Variants in SGSM1 observed in about 807,000 individuals in gnomAD.
SGSM1 encodes small G protein signaling modulator 1, also known as RUN and TBC1 domain containing 2.
SGSM1 carries 73 observed loss-of-function variants against 133.8 expected under a neutral mutation model. That is an observed-to-expected ratio of 0.55 (90% CI 0.45 to 0.66). SGSM1 has a LOEUF of 0.66. Among genes scored for constraint, SGSM1 ranks in the 30% least tolerant of loss-of-function variants. The pLI, the probability that SGSM1 is intolerant of heterozygous loss-of-function variation, is 0.00. For missense variants in SGSM1, 1,213 were observed against 1,448.1 expected, an observed-to-expected ratio of 0.84 and a Z score of 2.64; for synonymous variants, 563 against 573.0, an observed-to-expected ratio of 0.98 and a Z score of 0.25.
At chr22:24,895,887 A>C (rs932632021) in intron 18 of SGSM1, among the ~76,000 whole-genome samples, 1 of 152,232 alleles carries the variant, frequency 6.6e-6, no homozygotes, top group South Asian at 2.1e-4. Flanking sequence ...CTCTACAAAA[A>C]ATACGAAAAA....
At chr22:24,907,911 CAAAAA>C (rs796505229) in intron 21 of SGSM1, among the ~76,000 whole-genome samples, 3 of 57,074 alleles carry the variant, frequency 5.3e-5, no homozygotes, top group Non-Finnish European at 1.0e-4. Context: ...GACGCCATCT[CAAAAA>C]AAAAAAAAAA....
chr22:24,909,699 A>C (rs2123730270), intron 21 of SGSM1, among the ~76,000 whole-genome samples: 1 of 152,024 alleles, frequency 6.6e-6, no homozygotes, highest in Admixed American at 6.6e-5. Flanking sequence ...CAGGTGATCC[A>C]CCCACCTTGG....
chr22:24,866,618 C>G (rs1931473605), intron 9 of SGSM1, among the ~76,000 whole-genome samples: 1 of 152,232 alleles, frequency 6.6e-6, no homozygotes, highest in African/African-American at 2.4e-5. Flanking sequence ...TCTTTTGACA[C>G]CATTCTCAGG....
intron 5 of SGSM1, among the ~76,000 whole-genome samples, chr22:24,850,962 G>A (rs145837496): frequency 0.01 from 1,526 of 152,160 alleles, 17 homozygotes; most frequent in Non-Finnish European, 0.017. Context: ...TTAGCCGGGC[G>A]TGGTGGCAGG....
chr22:24,810,805 G>T (rs60253061), intron 2 of SGSM1, among the ~76,000 whole-genome samples: 13 of 152,104 alleles, frequency 8.5e-5, no homozygotes, highest in African/African-American at 3.1e-4. Flanking sequence ...AACAGAGCCT[G>T]TTTGGAGAAC....
intron 8 of SGSM1, chr22:24,855,921 C>T: frequency 1.5e-6 from 1 of 678,956 alleles, no homozygotes; most frequent in Non-Finnish European, 2.7e-6. Flanking sequence ...AACCATCCAT[C>T]CATCCACCCA....
intron 3 of SGSM1, among the ~76,000 whole-genome samples, chr22:24,845,785 T>C (rs956504282): frequency 4.0e-5 from 6 of 151,868 alleles, no homozygotes; most frequent in African/African-American, 7.3e-5. Flanking sequence ...AGGACCTCAG[T>C]TCACCCTCTC....
chr22:24,819,518 G>A (rs1928343590), intron 2 of SGSM1, among the ~76,000 whole-genome samples: 1 of 152,210 alleles, frequency 6.6e-6, no homozygotes, highest in African/African-American at 2.4e-5. Context: ...ACTGAGGCCC[G>A]AGGTCACCCA....
intron 2 of SGSM1, among the ~76,000 whole-genome samples, chr22:24,819,277 C>T (rs893095331): frequency 4.6e-5 from 7 of 152,060 alleles, no homozygotes; most frequent in Admixed American, 2.0e-4. Context: ...GCATTTCAAT[C>T]AAGTTAAATT....
Position 24,921,606 on chromosome 22 carries a change from C to T in SGSM1, c.3193+1613C>T, listed in dbSNP as rs180796831. On this transcript the variant is annotated intron_variant, in intron 24 of 24. Transcript: ENST00000400358. ...GTAAAATTATAACAGCACCCCAGGC[C>T]AAAAGTTTCATTTAGTAAGTAGTTA... Among the ~76,000 whole-genome samples the T allele has an allele frequency of 1.1e-3, 163 of 152,118 alleles. 1 individual carries two copies. The highest frequency in any genetic ancestry group is 3.6e-3 in the African/African-American group (151 of 41,512).
intron 2 of SGSM1, among the ~76,000 whole-genome samples, chr22:24,820,012 G>C (rs934313225): frequency 1.3e-5 from 2 of 152,050 alleles, no homozygotes; most frequent in African/African-American, 4.8e-5. Context: ...GTGGAGATGG[G>C]GGTGCTGCCA....
intron 21 of SGSM1, among the ~76,000 whole-genome samples, chr22:24,911,638 C>T (rs926751364): frequency 6.6e-6 from 1 of 152,120 alleles, no homozygotes; most frequent in Non-Finnish European, 1.5e-5. Context: ...TAAACTGGCC[C>T]ATTACCTCTG....
chr22:24,820,529 T>C (rs1928408025), intron 2 of SGSM1, among the ~76,000 whole-genome samples: 1 of 152,188 alleles, frequency 6.6e-6, no homozygotes, highest in Admixed American at 6.5e-5. Flanking sequence ...AGAATTTTTC[T>C]AATACTCTAA....
intron 14 of SGSM1, among the ~76,000 whole-genome samples, chr22:24,882,528 G>C (rs1176216544): frequency 6.6e-6 from 1 of 152,046 alleles, no homozygotes; most frequent in East Asian, 1.9e-4. Context: ...GAACGTTACG[G>C]TTCTTCTATA....
chr22:24,867,118 A>G lies in SGSM1; in HGVS notation c.952A>G (p.Ile318Val). The G allele has an allele frequency of 1.2e-6, 2 of 1,613,842 alleles. No homozygotes were observed. The highest frequency in any genetic ancestry group is 8.5e-7 in the Non-Finnish European group (1 of 1,179,882). The change falls in exon 10 of 25, where the codon ATC becomes GTC. Residue 318 changes from isoleucine to valine, a missense_variant. By Grantham distance (29) the Ile-to-Val change is conservative. Coordinates refer to ENST00000400358, the MANE Select transcript of SGSM1 (RefSeq NM_001098497.3). ...KSVYWDYAMT[I>V]RLEEIVYLHC... is the part of the protein sequence containing the mutation. Reference sequence around the variant, plus strand: ...CGTCTACTGGGACTATGCCATGACCATCCGCTTGGAGGAGATTGTCTACCT... The same window carrying G: ...CGTCTACTGGGACTATGCCATGACCGTCCGCTTGGAGGAGATTGTCTACCT...
chr22:24,848,992 G>C (rs1930303523), intron 4 of SGSM1, among the ~76,000 whole-genome samples: 1 of 152,214 alleles, frequency 6.6e-6, no homozygotes, highest in South Asian at 2.1e-4. Flanking sequence ...AAGTTCCCAG[G>C]TGTTTGCAGA....
intron 2 of SGSM1, among the ~76,000 whole-genome samples, chr22:24,810,405 G>A (rs1404260184): frequency 6.7e-6 from 1 of 150,218 alleles, no homozygotes; most frequent in Non-Finnish European, 1.5e-5. Flanking sequence ...TGGCCTCAGC[G>A]TGATTTCCTC....
intron 2 of SGSM1, among the ~76,000 whole-genome samples, chr22:24,809,774 G>C (rs944938427): frequency 6.6e-6 from 1 of 152,168 alleles, no homozygotes; most frequent in East Asian, 1.9e-4. Context: ...ACTCCCAACA[G>C]TTACCTTATC....
chr22:24,927,220 GT>G lies in SGSM1; in HGVS notation c.*2948del, dbSNP rs1934233978. The G allele has an allele frequency of 2.0e-5, 3 of 152,344 alleles. No individual in the cohort carries two copies. Among genetic ancestry groups the G allele is most frequent in the African/African-American group, 7.2e-5 (3 of 41,568 alleles). 9.4% of individuals were successfully genotyped at this position (152,344 alleles called of 1,614,324 possible). A position where few individuals can be genotyped will look rare whatever the true frequency, so the allele number is the denominator to read the frequency against. On this transcript the variant is annotated 3_prime_UTR_variant, in exon 25 of 25. Transcript: ENST00000400358. ...CTCTGCTTCTGATGGTTGTCTGGCT[GT>G]TGACTAGGGCAGTGGGGGAAACTGG...
Sources: gnomAD v4.1 joint callset for allele counts (sites outside exome capture counted in the v4.1 genomes callset) on GRCh38, gnomAD v4.1.1 for gene constraint, MANE v1.5 for transcripts, NCBI Gene and HGNC (gene_info 2026-07-23, HGNC 2026-07-21) for gene names.